Variants in ITPR1 observed in about 807,000 individuals in gnomAD.
ITPR1 encodes the protein inositol 1,4,5-trisphosphate receptor type 1.
Under a neutral mutation model 318.4 loss-of-function variants are expected in ITPR1, and 96 were observed. That is an observed-to-expected ratio of 0.30 (90% CI 0.26 to 0.36). The LOEUF (loss-of-function observed/expected upper bound fraction) is 0.36, where lower values mean the gene tolerates loss of function less well. Ranked by LOEUF, ITPR1 falls within the 10% of genes least tolerant of loss-of-function variation. ITPR1 has a pLI of 1.00. For synonymous variants in ITPR1, 1,312 were observed against 1,289.9 expected (o/e 1.02, Z -0.37); for missense variants, 2,440 against 3,460.2 (o/e 0.71, Z 7.40).
chr3:4,837,630 T>C (rs141360526), intron 61 of ITPR1, among the ~76,000 whole-genome samples: 1 of 152,150 alleles, frequency 6.6e-6, no homozygotes, highest in African/African-American at 2.4e-5. Flanking sequence ...AGAATTTAAA[T>C]TGGAAACAGG....
chr3:4,815,944 C>T (rs2049269864), intron 59 of ITPR1, among the ~76,000 whole-genome samples: 1 of 151,524 alleles, frequency 6.6e-6, no homozygotes, highest in Admixed American at 6.6e-5. Flanking sequence ...TATTCTTCAC[C>T]CAGAATCCCC....
chr3:4,746,055 G>C lies in ITPR1; in HGVS notation c.5544+10701G>C, dbSNP rs118147092. ...TGGCCCAGCTGGGAATGGAGGAGCA[G>C]CGGTTTGAAACTAGGCACTGTTACT... On this transcript the variant is annotated intron_variant, in intron 44 of 61. Coordinates refer to ENST00000649015, the MANE Select transcript of ITPR1 (RefSeq NM_001378452.1). Among the ~76,000 whole-genome samples, 13 of 152,350 alleles carry C rather than the reference G, an allele frequency of 8.5e-5. No individual in the cohort carries two copies. In the East Asian group the frequency reaches 2.5e-3, roughly 29 times the overall value.
At chr3:4,702,015 G>C (rs1034651485) in intron 35 of ITPR1, among the ~76,000 whole-genome samples, 3 of 152,080 alleles carry the variant, frequency 2.0e-5, no homozygotes, top group Admixed American at 6.5e-5. Flanking sequence ...TGTCCCCTCT[G>C]AAACGAAAAG....
chr3:4,529,391 C>T (rs2083235157), intron 4 of ITPR1, among the ~76,000 whole-genome samples: 1 of 151,908 alleles, frequency 6.6e-6, no homozygotes, highest in Non-Finnish European at 1.5e-5. Context: ...GTAATGGGGT[C>T]ATATTGTCAT....
chr3:4,530,062 T>A (rs765612057), intron 4 of ITPR1, among the ~76,000 whole-genome samples: 13 of 152,196 alleles, frequency 8.5e-5, no homozygotes, highest in Non-Finnish European at 1.6e-4. Context: ...TGACAAAAAT[T>A]ACCCGATTTC....
At chr3:4,685,916 T>C (rs1055301727) in intron 30 of ITPR1, among the ~76,000 whole-genome samples, 10 of 152,078 alleles carry the variant, frequency 6.6e-5, no homozygotes, top group South Asian at 2.1e-4. Flanking sequence ...GGTTTAGAGG[T>C]GAAAAGCTCA....
Position 4,685,201 on chromosome 3 carries a change from G to T in ITPR1, c.3697G>T (p.Glu1233Ter). The T allele has an allele frequency of 6.2e-7, 1 of 1,600,966 alleles. No individual in the cohort carries two copies. The highest frequency in any genetic ancestry group is 1.1e-5 in the South Asian group (1 of 89,546). ...GCTGGAGCTGCTGCAGATTCCCTAT[G>T]AGAAGGTGAGCGGTGCCTCATGCAC... ...VVLELLQIPYEKAEDTKMQEI... is the reference protein window; with the variant it reads ...VVLELLQIPY The change falls in exon 30 of 62, where the codon GAG becomes TAG. Residue 1233 changes from glutamate to a stop codon, truncating the protein, a stop_gained. Coordinates refer to ENST00000649015, the MANE Select transcript of ITPR1 (RefSeq NM_001378452.1). LOFTEE classifies it high-confidence loss of function.
At chr3:4,523,467 T>G (rs1338922190) in intron 4 of ITPR1, among the ~76,000 whole-genome samples, 1 of 151,998 alleles carries the variant, frequency 6.6e-6, no homozygotes, top group Non-Finnish European at 1.5e-5. Flanking sequence ...CTACTCTTAG[T>G]GAGTTTCAAA....
intron 2 of ITPR1, among the ~76,000 whole-genome samples, chr3:4,515,522 C>T (rs541179146): frequency 3.9e-5 from 6 of 152,314 alleles, no homozygotes; most frequent in African/African-American, 1.2e-4. Context: ...CAGTCCACAC[C>T]AGCACACAGT....
intron 38 of ITPR1, among the ~76,000 whole-genome samples, chr3:4,711,350 G>A (rs1365258391): frequency 2.6e-5 from 4 of 151,996 alleles, no homozygotes; most frequent in Non-Finnish European, 5.9e-5. Flanking sequence ...GGAACTGTGT[G>A]TATTGGCCTC....
At chr3:4,571,718 C>T (rs2088015255) in intron 4 of ITPR1, among the ~76,000 whole-genome samples, 1 of 152,070 alleles carries the variant, frequency 6.6e-6, no homozygotes, top group Non-Finnish European at 1.5e-5. Flanking sequence ...GAACAGAAAC[C>T]CACTCAAGTT....
chr3:4,520,504 C>G (rs982497716), intron 3 of ITPR1, among the ~76,000 whole-genome samples: 1 of 152,168 alleles, frequency 6.6e-6, no homozygotes, highest in Admixed American at 6.5e-5. Flanking sequence ...TTAGAACTTC[C>G]TCTGTCTGCA....
chr3:4,645,780 A>T, intron 10 of ITPR1, 52 bp downstream of exon 10: 2 of 1,428,584 alleles, frequency 1.4e-6, no homozygotes, highest in Non-Finnish European at 1.8e-6. Flanking sequence ...ATCAGCCTGT[A>T]TATAGGCTCT....
intron 2 of ITPR1, among the ~76,000 whole-genome samples, chr3:4,512,256 G>GTGC (rs1553605564): frequency 6.6e-6 from 1 of 152,168 alleles, no homozygotes; most frequent in Non-Finnish European, 1.5e-5. Flanking sequence ...ATGAGCCACC[G>GTGC]TGCCTGGTTT....
intron 18 of ITPR1, among the ~76,000 whole-genome samples, chr3:4,669,000 A>T (rs1219017460): frequency 2.0e-5 from 3 of 152,190 alleles, no homozygotes; most frequent in Non-Finnish European, 2.9e-5. Flanking sequence ...TGAAGCGGGA[A>T]GCAATTTACA....
At chr3:4,648,009 AAGCG>A (rs2093501760) in intron 10 of ITPR1, among the ~76,000 whole-genome samples, 2 of 152,142 alleles carry the variant, frequency 1.3e-5, no homozygotes, top group African/African-American at 4.8e-5. Flanking sequence ...AAAATTAGCC[AAGCG>A]TGGTGGCACA....
intron 42 of ITPR1, among the ~76,000 whole-genome samples, chr3:4,732,322 A>G (rs1201049601): frequency 2.0e-5 from 3 of 152,212 alleles, no homozygotes; most frequent in Non-Finnish European, 4.4e-5. Flanking sequence ...ATGTATATAA[A>G]AGGAGTCAGA....
At chr3:4,843,163 TCTC>T (rs1429606695) in intron 61 of ITPR1, among the ~76,000 whole-genome samples, 1 of 150,090 alleles carries the variant, frequency 6.7e-6, no homozygotes, top group Non-Finnish European at 1.5e-5. Flanking sequence ...CCCAATTCCT[TCTC>T]CTTTAGCAGT....
chr3:4,699,474 C>T (rs1051603180), intron 34 of ITPR1, among the ~76,000 whole-genome samples: 1 of 152,110 alleles, frequency 6.6e-6, no homozygotes, highest in African/African-American at 2.4e-5. Context: ...GAGCAGTTTT[C>T]TTTTAGGGGA....
Sources: allele counts gnomAD v4.1 joint callset (sites outside exome capture counted in the v4.1 genomes callset), GRCh38; gene constraint gnomAD v4.1.1; transcripts MANE v1.5; gene names NCBI Gene and HGNC (gene_info 2026-07-23, HGNC 2026-07-21).